The following APC variants were observed in gnomAD, a reference collection of about 807,000 sequenced individuals.
APC encodes adenomatous polyposis coli protein.
APC carries 72 observed loss-of-function variants against 247.0 expected under a neutral mutation model. The ratio of observed to expected loss-of-function variants is 0.29; its 90% CI spans 0.24 to 0.35. The LOEUF is 0.35. APC is among the 10% of genes least tolerant of loss of function. The probability of loss-of-function intolerance (pLI) is 1.00; values close to 1 mark genes in which losing one functional copy is unlikely to be tolerated. For synonymous variants in APC, 1,254 were observed against 1,162.5 expected (o/e 1.08, Z -1.60); for missense variants, 3,400 against 3,360.7 (o/e 1.01, Z -0.29).
intron 2 of APC, among the ~76,000 whole-genome samples, chr5:112,765,884 T>G (rs1756243618): frequency 2.0e-5 from 3 of 152,290 alleles, no homozygotes; most frequent in South Asian, 4.2e-4. Flanking sequence ...TATAAAAGCT[T>G]GAATGTTGAA....
In APC at chr5:112,707,916, C is replaced by T. The variant is rs747082708; in HGVS notation, c.165+34C>T. On this transcript the variant is annotated intron_variant, in intron 1 of 13. Transcript: ENST00000507379. The stretch of plus-strand genomic sequence containing the variant: ...GGCTGCAGGCATTGACGTCTCCTCC[C>T]GGCAAAGCTTCCTCGGCTTTGCCCC... 1.5e-5 allele frequency: 20 copies of T among 1,335,630 alleles called. No homozygotes were observed. In the South Asian group the frequency reaches 2.1e-4, roughly 14 times the overall value. The allele number at this position is 1,335,630 out of a possible 1,614,324, so 82.7% of individuals were successfully genotyped here.
intron 7 of APC, among the ~76,000 whole-genome samples, chr5:112,798,380 A>G (rs1163886083): frequency 6.6e-6 from 1 of 152,240 alleles, no homozygotes; most frequent in Non-Finnish European, 1.5e-5. Flanking sequence ...GACAAAAAGT[A>G]CATTAGTGGT....
chr5:112,792,415 A>G (rs1054471601), intron 6 of APC, 31 bp from the exon 7 acceptor site: 1 of 1,458,478 alleles, frequency 6.9e-7, no homozygotes, highest in Non-Finnish European at 9.5e-7. Flanking sequence ...TAATAAAAAC[A>G]TAACTAATTA....
At chr5:112,802,648 A>C (rs564247035) in intron 8 of APC, among the ~76,000 whole-genome samples, 1 of 152,244 alleles carries the variant, frequency 6.6e-6, no homozygotes, top group East Asian at 1.9e-4. Flanking sequence ...TGTCAAAATG[A>C]AAATCATTAA....
chr5:112,793,981 G>A (rs1759925644), intron 7 of APC, among the ~76,000 whole-genome samples: 1 of 151,988 alleles, frequency 6.6e-6, no homozygotes, highest in African/African-American at 2.4e-5. Flanking sequence ...TGGAAACTGG[G>A]AAGTAGGGTA....
intron 1 of APC, among the ~76,000 whole-genome samples, chr5:112,754,077 C>G (rs1350808030): frequency 6.6e-6 from 1 of 152,174 alleles, no homozygotes; most frequent in African/African-American, 2.4e-5. Context: ...ATAATAACTG[C>G]CAGACTCTGC....
rs1561557222 is a variant in APC, at chr5:112,828,840, A to C, written c.1627-16A>C. ...GATTTTATGTATAAATTAATCTAAA[A>C]TTGATTAATTTGCAGGTTATTGCGA... On this transcript the variant is annotated splice_polypyrimidine_tract_variant and intron_variant, in intron 13 of 15. Coordinates refer to ENST00000257430, the MANE Select transcript of APC (RefSeq NM_000038.6). 6.5e-7 allele frequency: 1 copy of C among 1,532,542 alleles called. No individual in the cohort carries two copies. 94.9% of individuals were successfully genotyped at this position (1,532,542 alleles called of 1,614,324 possible). A position where few individuals can be genotyped will look rare whatever the true frequency, so the allele number is the denominator to read the frequency against.
intron 1 of APC, among the ~76,000 whole-genome samples, chr5:112,709,099 G>A (rs1750698772): frequency 6.6e-6 from 1 of 152,166 alleles, no homozygotes. Flanking sequence ...TTGCAAATGG[G>A]TGGACCTTTT....
intron 1 of APC, among the ~76,000 whole-genome samples, chr5:112,723,761 G>A (rs895635305): frequency 2.6e-5 from 4 of 152,180 alleles, no homozygotes; most frequent in African/African-American, 9.7e-5. Flanking sequence ...TGAATTCAAA[G>A]TTTGAAATTG....
intron 5 of APC, 135 bp from the exon 6 acceptor site, chr5:112,780,655 A>G (rs1758216306): frequency 3.1e-6 from 2 of 651,168 alleles, no homozygotes; most frequent in Admixed American, 5.0e-5. Flanking sequence ...CTTGGAGTAA[A>G]AAATAATTTT....
chr5:112,782,235 A>G (rs1450588788), intron 6 of APC, among the ~76,000 whole-genome samples: 2 of 152,170 alleles, frequency 1.3e-5, no homozygotes, highest in African/African-American at 2.4e-5. Flanking sequence ...TTTTAAAACC[A>G]TCAGATCTCG....
Position 112,843,877 on chromosome 5 carries a change from A to G in APC, c.8283A>G (p.Pro2761=), listed in dbSNP as rs1393043478. 1.9e-6 allele frequency: 3 copies of G among 1,613,856 alleles called. No individual in the cohort carries two copies. In the African/African-American group the frequency reaches 4.0e-5, roughly 22 times the overall value. The change falls in exon 16 of 16, where the codon CCA becomes CCG. Residue 2761 remains proline, a synonymous_variant. Transcript: ENST00000257430. The surrounding 1 kb of genome is among the most constrained non-coding windows in gnomAD (Gnocchi z 4.8). ...TNESSIVERT[P]FSSSSSSKHS... ...AAAGTTCTATAGTGGAACGTACCCC[A>G]TTCAGTTCTAGCAGCTCAAGCAAAC... is the stretch of plus-strand genomic sequence containing the variant.
intron 1 of APC, among the ~76,000 whole-genome samples, chr5:112,724,482 A>G (rs533624475): frequency 1.7e-4 from 26 of 152,304 alleles, no homozygotes; most frequent in African/African-American, 6.0e-4. Flanking sequence ...ATTTGAGAAT[A>G]CAATTATGAC....
chr5:112,832,494 A>G (rs966456157), intron 14 of APC, among the ~76,000 whole-genome samples: 2 of 152,226 alleles, frequency 1.3e-5, no homozygotes, highest in Non-Finnish European at 2.9e-5. Flanking sequence ...CTTGATGAAG[A>G]GAGTAAAGTA....
intron 14 of APC, among the ~76,000 whole-genome samples, chr5:112,833,200 T>G (rs943543048): frequency 8.2e-6 from 1 of 122,412 alleles, no homozygotes; most frequent in Non-Finnish European, 1.8e-5. Flanking sequence ...TTTTTTTTTT[T>G]GAGACCGAGT....
At chr5:112,784,152 C>G (rs1031608233) in intron 6 of APC, among the ~76,000 whole-genome samples, 5 of 152,174 alleles carry the variant, frequency 3.3e-5, no homozygotes, top group Admixed American at 3.3e-4. Context: ...ACTGCAACCC[C>G]CACCTCCTGG....
chr5:112,793,284 G>A (rs891314491), intron 7 of APC, among the ~76,000 whole-genome samples: 2 of 152,034 alleles, frequency 1.3e-5, no homozygotes, highest in African/African-American at 4.8e-5. Flanking sequence ...TTGAACGTGA[G>A]GGTATCATAC....
intron 1 of APC, among the ~76,000 whole-genome samples, chr5:112,745,781 T>A (rs1753598764): frequency 6.6e-6 from 1 of 151,890 alleles, no homozygotes; most frequent in African/African-American, 2.4e-5. Context: ...TTGGCCAGGC[T>A]GGTCTCAAAC....
chr5:112,827,142 G>A lies in APC; in HGVS notation c.1443G>A (p.Val481=), dbSNP rs146179851. Residue 481 remains valine (V), a synonymous_variant, in exon 12 of 16, where the codon GTG becomes GTA. Transcript: ENST00000257430. ...AGGCCATTGCAGAATTATTGCAAGT[G>A]GACTGTGAAATGTATGGGCTTACTA... The part of the protein sequence containing the change: ...GLQAIAELLQ[V]DCEMYGLTND... 8.1e-6 allele frequency: 13 copies of A among 1,613,632 alleles called. No homozygotes were observed. In the African/African-American group the frequency reaches 1.5e-4, roughly 18 times the overall value.
Sources: gnomAD v4.1 joint callset for allele counts (sites outside exome capture counted in the v4.1 genomes callset) on GRCh38, gnomAD v4.1.1 for gene constraint, Gnocchi (gnomAD v3.1) non-coding constraint, MANE v1.5 for transcripts, NCBI Gene and HGNC (gene_info 2026-07-23, HGNC 2026-07-21) for gene names.